Variants in SMC1A observed in about 807,000 individuals in gnomAD.
SMC1A encodes structural maintenance of chromosomes protein 1A.
SMC1A carries 4 observed loss-of-function variants against 94.5 expected under a neutral mutation model. The ratio of observed to expected loss-of-function variants is 0.04; its 90% CI spans 0.02 to 0.10. The LOEUF (loss-of-function observed/expected upper bound fraction) is 0.10. Ranked by LOEUF, SMC1A falls within the 10% of genes least tolerant of loss-of-function variation. SMC1A has a pLI of 1.00. For synonymous variants in SMC1A, 345 were observed against 347.7 expected (o/e 0.99, Z 0.09); for missense variants, 304 against 989.0 (o/e 0.31, Z 9.29).
At chrX:53,389,855 T>C (rs1416431765) in intron 19 of SMC1A, among the ~76,000 whole-genome samples, 1 of 90,474 alleles carries the variant, frequency 1.1e-5, no homozygotes, top group African/African-American at 4.1e-5. Flanking sequence ...TTTTTTTTTT[T>C]TTTTTTTTTT....
intron 1 of SMC1A, among the ~76,000 whole-genome samples, chrX:53,417,395 T>C (rs1329224583): frequency 9.3e-6 from 1 of 107,963 alleles, no homozygotes. Context: ...CTACTAAAAA[T>C]ACAAAATTAG....
chrX:53,380,118 G>T lies in SMC1A; in HGVS notation c.3687C>A (p.Asn1229Lys). ...DLTKYPDANP[N>K]PNEQ ...AAAAATACTGCTACTGCTCATTGGG[G>T]TTGGGGTTGGCATCTGGGTACTTGG... Residue 1229 changes from asparagine (N) to lysine (K), a missense_variant, in exon 25 of 25, where the codon AAC becomes AAA. Asn to Lys is a moderately conservative substitution (Grantham distance 94). This residue lies in a region of SMC1A where 24 missense variants were observed against 43.5 expected (regional missense o/e 0.55). Transcript: ENST00000322213. 1 of 1,205,915 alleles carries T rather than the reference G, an allele frequency of 8.3e-7. No individual in the cohort carries two copies. The highest frequency in any genetic ancestry group is 1.1e-6 in the Non-Finnish European group (1 of 890,897).
rs2075566622 is a variant in SMC1A at position 53,377,981 on chromosome X, T to C, written c.*2122A>G. 1 of 112,188 alleles carries C rather than the reference T, an allele frequency of 8.9e-6. No homozygotes were observed. The highest frequency in any genetic ancestry group is 3.3e-5 in the African/African-American group (1 of 30,758). 9.2% of individuals were successfully genotyped at this position (112,188 alleles called of 1,213,427 possible). On this transcript the variant is annotated 3_prime_UTR_variant, in exon 25 of 25. Transcript: ENST00000322213. ...GTTGAAAACAGACAAATTTATTTTG[T>C]TTTGATAGTTATGTCTTTTAATATG...
intron 15 of SMC1A, among the ~76,000 whole-genome samples, chrX:53,401,579 C>T (rs1354210118): frequency 9.0e-6 from 1 of 111,312 alleles, no homozygotes; most frequent in Non-Finnish European, 1.9e-5. Context: ...CTTATGCTCC[C>T]CCAGTAATGG....
Position 53,380,050 on chromosome X carries a change from T to C in SMC1A, c.*53A>G, listed in dbSNP as rs781902152. ...AGGTTGGGAGTCAAATATCCAGAGA[T>C]TGGGAGAGGGACAGCTTAGGGATCC... On this transcript the variant is annotated 3_prime_UTR_variant, in exon 25 of 25. Coordinates refer to ENST00000322213, the MANE Select transcript of SMC1A (RefSeq NM_006306.4). 51 of 876,903 alleles carry C rather than the reference T, an allele frequency of 5.8e-5. 1 individual carries two copies. The African/African-American group carries it at 8.7e-4, about 15-fold the overall frequency. The allele number at this position is 876,903 out of a possible 1,213,427, so 72.3% of individuals were successfully genotyped here. A position where few individuals can be genotyped will look rare whatever the true frequency, so the allele number is the denominator to read the frequency against.
At position 53,379,830 on chromosome X, in the gene SMC1A, T is replaced by C; in HGVS notation, c.*273A>G. On this transcript the variant is annotated 3_prime_UTR_variant, in exon 25 of 25. Transcript: ENST00000322213. Reference sequence around the variant, plus strand: ...CCAAGGGGCCCACGATTATGGGTGATGAGGGGGAGGAAGGGGGTGTGTGTG... The same window carrying C: ...CCAAGGGGCCCACGATTATGGGTGACGAGGGGGAGGAAGGGGGTGTGTGTG... 2.5e-6 allele frequency: 1 copy of C among 405,988 alleles called. No homozygotes were observed. The highest frequency in any genetic ancestry group is 4.1e-5 in the East Asian group (1 of 24,671). The allele number at this position is 405,988 out of a possible 1,213,427, so 33.5% of individuals were successfully genotyped here. A position where few individuals can be genotyped will look rare whatever the true frequency, so the allele number is the denominator to read the frequency against.
Position 53,413,142 on chromosome X carries a change from T to C in SMC1A, c.616-4A>G, listed in dbSNP as rs782075201. 8 of 1,211,985 alleles carry C rather than the reference T, an allele frequency of 6.6e-6. No individual in the cohort carries two copies. The South Asian group carries it at 1.4e-4, about 21-fold the overall frequency. On this transcript the variant is annotated splice_polypyrimidine_tract_variant and splice_region_variant and intron_variant, in intron 4 of 24. Coordinates refer to ENST00000322213, the MANE Select transcript of SMC1A (RefSeq NM_006306.4). ...TCAGGCGCTGGTACCGGTCAGCCTG[T>C]GCAAACAGGGGAATGGTGGCAGGGG...
intron 19 of SMC1A, among the ~76,000 whole-genome samples, chrX:53,392,148 T>C (rs1034185123): frequency 1.8e-5 from 2 of 111,077 alleles, no homozygotes; most frequent in Non-Finnish European, 3.8e-5. Flanking sequence ...CCCAGCACTT[T>C]GGGAGGCTGA....
intron 19 of SMC1A, among the ~76,000 whole-genome samples, chrX:53,390,844 T>C (rs1200775083): frequency 1.9e-5 from 2 of 103,955 alleles, no homozygotes; most frequent in Non-Finnish European, 3.9e-5. Flanking sequence ...TACAAAAAAT[T>C]AGCTGGACGC....
At chrX:53,422,349 C>A (rs961547329) in intron 1 of SMC1A, 143 bp downstream of exon 1, 8 of 492,256 alleles carry the variant, frequency 1.6e-5, no homozygotes, top group Non-Finnish European at 2.9e-5. Context: ...AGAGTGGGTT[C>A]GAGCAGAACC....
At chrX:53,402,812 T>C (rs2146597232) in intron 15 of SMC1A, among the ~76,000 whole-genome samples, 1 of 83,680 alleles carries the variant, frequency 1.2e-5, no homozygotes, top group East Asian at 4.0e-4. Flanking sequence ...GAGAATGCAG[T>C]GAGCCGAGAT....
In SMC1A at chrX:53,412,077, T is replaced by A; in HGVS notation, c.1031A>T (p.Glu344Val). 8.3e-7 allele frequency: 1 copy of A among 1,211,459 alleles called. No homozygotes were observed. Among genetic ancestry groups the A allele is most frequent in the Non-Finnish European group, 1.1e-6 (1 of 895,174 alleles). Residue 344 changes from glutamate (E) to valine (V), a missense_variant, in exon 6 of 25, where the codon GAG becomes GTG. Transcript: ENST00000322213. ...TTCTTCAAACTCCTGCCGAGCCTTCTCCACTGACAGCATCTCCTTCTCCAG... is the reference window on the plus strand; with the variant it reads ...TTCTTCAAACTCCTGCCGAGCCTTCACCACTGACAGCATCTCCTTCTCCAG... ...DELEKEMLSV[E>V]KARQEFEERM...
chrX:53,408,543 C>T (rs1231551761), intron 9 of SMC1A, among the ~76,000 whole-genome samples: 2 of 111,502 alleles, frequency 1.8e-5, no homozygotes, highest in Non-Finnish European at 1.9e-5. Flanking sequence ...TTCAGGGAAC[C>T]TGGGAACTCA....
intron 1 of SMC1A, among the ~76,000 whole-genome samples, chrX:53,421,315 G>A (rs1199037918): frequency 1.8e-5 from 2 of 111,902 alleles, no homozygotes; most frequent in East Asian, 5.6e-4. Flanking sequence ...GCAGGTAGAT[G>A]CCAGAGATGC....
At chrX:53,385,256 GTTTT>G (rs59355116) in intron 19 of SMC1A, among the ~76,000 whole-genome samples, 1 of 88,426 alleles carries the variant, frequency 1.1e-5, no homozygotes, top group African/African-American at 4.0e-5. Context: ...TCCAGAATAG[GTTTT>G]TTTTTTTTTT....
intron 9 of SMC1A, among the ~76,000 whole-genome samples, chrX:53,407,586 G>T (rs1004824744): frequency 1.8e-5 from 2 of 111,981 alleles, no homozygotes; most frequent in Non-Finnish European, 3.8e-5. Context: ...ATTTATAGCA[G>T]GTCAGTCAGA....
In SMC1A at chrX:53,378,456, A is replaced by G. The variant is rs1000522033; in HGVS notation, c.*1647T>C. 2 of 112,741 alleles carry G rather than the reference A, an allele frequency of 1.8e-5. No individual in the cohort carries two copies. Among genetic ancestry groups the G allele is most frequent in the African/African-American group, 3.2e-5 (1 of 31,031 alleles). 9.3% of individuals were successfully genotyped at this position (112,741 alleles called of 1,213,427 possible). A position where few individuals can be genotyped will look rare whatever the true frequency, so the allele number is the denominator to read the frequency against. On this transcript the variant is annotated 3_prime_UTR_variant, in exon 25 of 25. Coordinates refer to ENST00000322213, the MANE Select transcript of SMC1A (RefSeq NM_006306.4). ...CGTTAAGCAAAGAAAACAAATTGCT[A>G]AACAATTCAATATATCATTTGCATT...
Position 53,419,554 on chromosome X carries a change from G to A in SMC1A, c.109+2938C>T, listed in dbSNP as rs781878629. Among the ~76,000 whole-genome samples, 8 of 108,215 alleles carry A rather than the reference G, an allele frequency of 7.4e-5. No homozygotes were observed. The South Asian group carries it at 1.2e-3, about 16-fold the overall frequency. The allele number at this position is 108,215 out of a possible 115,157, so 94.0% of individuals were successfully genotyped here. A position where few individuals can be genotyped will look rare whatever the true frequency, so the allele number is the denominator to read the frequency against. On this transcript the variant is annotated intron_variant, in intron 1 of 24. Coordinates refer to ENST00000322213, the MANE Select transcript of SMC1A (RefSeq NM_006306.4). ...AAAAAAAAAAAAATAGGCCAGGCGC[G>A]GTGGCTCACACCTGTAATCGCAGCA... is the stretch of plus-strand genomic sequence containing the variant.
intron 1 of SMC1A, among the ~76,000 whole-genome samples, chrX:53,420,285 A>T (rs1281200841): frequency 9.0e-6 from 1 of 111,667 alleles, no homozygotes; most frequent in African/African-American, 3.3e-5. Flanking sequence ...GCACTTTGGG[A>T]GGCTGAGGCA....
Sources: gnomAD v4.1 joint callset for allele counts (sites outside exome capture counted in the v4.1 genomes callset) on GRCh38, gnomAD v4.1.1 for gene constraint, gnomAD v4.1.1 regional missense constraint, MANE v1.5 for transcripts, NCBI Gene and HGNC (gene_info 2026-07-23, HGNC 2026-07-21) for gene names.